The following RANBP2 variants were observed in gnomAD, a reference collection of about 807,000 sequenced individuals.
RANBP2 encodes RAN binding protein 2.
Under a neutral mutation model 303.6 loss-of-function variants are expected in RANBP2, and 57 were observed. The observed-to-expected ratio is 0.19, with a 90% CI of 0.15 to 0.23. RANBP2 has a LOEUF of 0.23. Among genes scored for constraint, RANBP2 ranks in the 10% least tolerant of loss-of-function variants. The probability of loss-of-function intolerance (pLI) is 1.00; values close to 1 mark genes in which losing one functional copy is unlikely to be tolerated. For synonymous variants in RANBP2, 1,167 were observed against 1,301.5 expected, an observed-to-expected ratio of 0.90 and a Z score of 2.23; for missense variants, 3,138 against 3,780.8, an observed-to-expected ratio of 0.83 and a Z score of 4.46.
At chr2:109,128,790 A>C in the RANBP2 span, 1 of 195,194 alleles carries the variant, frequency 5.1e-6, no homozygotes, top group Non-Finnish European at 1.1e-5. Context: ...GGCTCACGAA[A>C]AGCCGAAAAA....
chr2:108,813,564 A>G, the RANBP2 span, among the ~76,000 whole-genome samples: 1 of 152,188 alleles, frequency 6.6e-6, no homozygotes, highest in African/African-American at 2.4e-5. Context: ...AGTCAAGACT[A>G]CAACCCATCC....
chr2:109,104,582 C>G, the RANBP2 span, among the ~76,000 whole-genome samples: 498 of 151,732 alleles, frequency 3.3e-3, 2 homozygotes, highest in Non-Finnish European at 3.3e-3. Flanking sequence ...CTCCCGGGTT[C>G]GTGCCATTCT....
chr2:109,693,002 G>C, the RANBP2 span, among the ~76,000 whole-genome samples: 8 of 151,646 alleles, frequency 5.3e-5, no homozygotes, highest in Middle Eastern at 3.2e-3. Context: ...TATACCGTCT[G>C]CCCTTTTGGA....
At chr2:109,610,973 G>C in the RANBP2 span, among the ~76,000 whole-genome samples, 1 of 152,188 alleles carries the variant, frequency 6.6e-6, no homozygotes, top group African/African-American at 2.4e-5. Flanking sequence ...GACTTACACA[G>C]CTACAGGAAT....
the RANBP2 span, among the ~76,000 whole-genome samples, chr2:109,326,887 A>G: frequency 2.0e-5 from 3 of 152,152 alleles, no homozygotes; most frequent in East Asian, 3.9e-4. Flanking sequence ...GTGAGGGGAG[A>G]GCAGGGGCTC....
chr2:109,318,991 TCA>T, the RANBP2 span, among the ~76,000 whole-genome samples: 2 of 152,198 alleles, frequency 1.3e-5, no homozygotes, highest in Non-Finnish European at 2.9e-5. Flanking sequence ...CCAGAACAGA[TCA>T]AAGCCCTCTG....
chr2:109,324,315 T>C, the RANBP2 span, among the ~76,000 whole-genome samples: 4 of 152,192 alleles, frequency 2.6e-5, no homozygotes, highest in Admixed American at 2.0e-4. Flanking sequence ...GCTCTAGGAG[T>C]AGGGGTACTG....
At position 108,781,426 on chromosome 2, in the gene RANBP2, A is replaced by C; in HGVS notation, c.8757A>C (p.Pro2919=). The C allele has an allele frequency of 6.2e-7, 1 of 1,614,088 alleles. No individual in the cohort carries two copies. Among genetic ancestry groups the C allele is most frequent in the South Asian group, 1.1e-5 (1 of 91,088 alleles). The change falls in exon 26 of 29, where the codon CCA becomes CCC. Residue 2919 remains proline (P), a synonymous_variant. Coordinates refer to ENST00000283195, the MANE Select transcript of RANBP2 (RefSeq NM_006267.5). ...DIHFEPIVSL[P]EVEVKSGEED... ...ATTTTGAACCAATAGTGTCACTACCAGAGGTAAATGTTAAGGAATTAACCT... is the reference window on the plus strand; with the variant it reads ...ATTTTGAACCAATAGTGTCACTACCCGAGGTAAATGTTAAGGAATTAACCT...
chr2:108,929,483 G>A, the RANBP2 span: 1 of 1,250,438 alleles, frequency 8.0e-7, no homozygotes, highest in Non-Finnish European at 1.2e-6. Flanking sequence ...GTCTCCAGAA[G>A]CTACTCTTGC....
chr2:108,728,595 TATGATGATGATGATGATGATG>T lies in RANBP2; in HGVS notation c.73-512_73-492del, dbSNP rs56238649. ...TGTGACCAACTGCACCCAGCTTATT[TATGATGATGATGATGATGATG>T]ATGATGATGATGATGATGATGATGT... On this transcript the variant is annotated intron_variant, in intron 1 of 28. Transcript: ENST00000283195. Among the ~76,000 whole-genome samples, 677 of 145,726 alleles carry T rather than the reference TATGATGATGATGATGATGATG, an allele frequency of 4.6e-3. 3 individuals are homozygous for T. The highest frequency in any genetic ancestry group is 0.016 in the African/African-American group (640 of 39,392).
chr2:108,934,289 C>T, the RANBP2 span, among the ~76,000 whole-genome samples: 11 of 152,150 alleles, frequency 7.2e-5, no homozygotes, highest in Admixed American at 2.6e-4. Context: ...TCCCACTTCT[C>T]AGACTGCAGA....
At chr2:109,210,861 G>GTAAAT in the RANBP2 span, among the ~76,000 whole-genome samples, 2 of 152,234 alleles carry the variant, frequency 1.3e-5, no homozygotes, top group African/African-American at 4.8e-5. Flanking sequence ...CAACCTAGGT[G>GTAAAT]AGAAATCTTT....
chr2:108,934,841 A>ACCC, the RANBP2 span, among the ~76,000 whole-genome samples: 13 of 152,134 alleles, frequency 8.5e-5, no homozygotes, highest in Non-Finnish European at 1.5e-4. Context: ...TAAGTTTTTA[A>ACCC]CACATAAACT....
the RANBP2 span, among the ~76,000 whole-genome samples, chr2:109,589,865 G>C: frequency 3.9e-5 from 6 of 152,016 alleles, no homozygotes; most frequent in African/African-American, 1.4e-4. Context: ...TATCAAACAA[G>C]TGGTGAATAG....
chr2:109,079,545 T>C, the RANBP2 span, among the ~76,000 whole-genome samples: 3 of 152,200 alleles, frequency 2.0e-5, no homozygotes, highest in Non-Finnish European at 4.4e-5. Flanking sequence ...ATTAAAATAT[T>C]TTAAAAACAA....
At chr2:109,519,965 G>A in the RANBP2 span, among the ~76,000 whole-genome samples, 2 of 151,926 alleles carry the variant, frequency 1.3e-5, no homozygotes, top group African/African-American at 2.4e-5. Flanking sequence ...TCTTTGTCCT[G>A]ACTGAGGAGG....
At chr2:109,065,914 T>C in the RANBP2 span, among the ~76,000 whole-genome samples, 35 of 152,218 alleles carry the variant, frequency 2.3e-4, no homozygotes, top group African/African-American at 6.5e-4. Flanking sequence ...TTTTTTCCAC[T>C]CTAGTCTTCA....
At chr2:109,343,282 C>A in the RANBP2 span, among the ~76,000 whole-genome samples, 1 of 152,192 alleles carries the variant, frequency 6.6e-6, no homozygotes, top group South Asian at 2.1e-4. Context: ...GGGTGTCACC[C>A]ATGTGAGCAT....
chr2:109,168,438 C>T, the RANBP2 span, among the ~76,000 whole-genome samples: 26 of 152,242 alleles, frequency 1.7e-4, no homozygotes, highest in Non-Finnish European at 3.1e-4. Context: ...CCTGTGCTTG[C>T]GAGATGGGCT....
Sources: gnomAD v4.1 joint callset for allele counts (sites outside exome capture counted in the v4.1 genomes callset) on GRCh38, gnomAD v4.1.1 for gene constraint, MANE v1.5 for transcripts, NCBI Gene and HGNC (gene_info 2026-07-23, HGNC 2026-07-21) for gene names.